Variants in ACSBG2 observed in about 807,000 individuals in gnomAD.
The protein encoded by ACSBG2 is long-chain-fatty-acid--CoA ligase ACSBG2.
ACSBG2 carries 62 observed loss-of-function variants against 74.7 expected under a neutral mutation model. The observed-to-expected ratio is 0.83, with a 90% CI of 0.68 to 1.03. ACSBG2 has a LOEUF of 1.03. Ranked by LOEUF, ACSBG2 falls within the 50% of genes least tolerant of loss-of-function variation. The probability of loss-of-function intolerance (pLI) is 0.00; values close to 1 mark genes in which losing one functional copy is unlikely to be tolerated. For missense variants in ACSBG2, 730 were observed against 817.6 expected, an observed-to-expected ratio of 0.89 and a Z score of 1.31; for synonymous variants, 309 against 294.1, an observed-to-expected ratio of 1.05 and a Z score of -0.52.
At chr19:6,151,058 G>A (rs1163039781) in intron 3 of ACSBG2, among the ~76,000 whole-genome samples, 3 of 149,336 alleles carry the variant, frequency 2.0e-5, no homozygotes, top group Admixed American at 6.7e-5. Context: ...AGGTTGCAGT[G>A]AGCCGAGATC....
At chr19:6,177,434 C>T (rs757040967) in intron 8 of ACSBG2, 38 bp downstream of exon 8, 3 of 1,538,102 alleles carry the variant, frequency 2.0e-6, no homozygotes, top group Admixed American at 2.1e-5. Context: ...CGACTTCATC[C>T]TCTTGGGCAG....
intron 1 of ACSBG2, among the ~76,000 whole-genome samples, chr19:6,138,065 C>T (rs1198770165): frequency 6.6e-6 from 1 of 152,176 alleles, no homozygotes; most frequent in Non-Finnish European, 1.5e-5. Context: ...TTAAAGTCAG[C>T]CTTGGTCATT....
chr19:6,190,451 C>A, intron 13 of ACSBG2, 133 bp from the exon 14 acceptor site: 1 of 689,430 alleles, frequency 1.5e-6, no homozygotes, highest in Non-Finnish European at 2.6e-6. Context: ...AAAAGTTACA[C>A]ACCCTGAAAG....
chr19:6,165,845 G>T, intron 6 of ACSBG2, 21 bp from the exon 7 acceptor site: 2 of 1,613,286 alleles, frequency 1.2e-6, no homozygotes, highest in South Asian at 1.1e-5. Context: ...CTCATCCTCC[G>T]CTTGTCTTTT....
chr19:6,189,527 GTTTTT>G (rs111858148), intron 13 of ACSBG2, among the ~76,000 whole-genome samples: 11 of 148,084 alleles, frequency 7.4e-5, no homozygotes, highest in African/African-American at 2.7e-4. Flanking sequence ...ACTGAGTCTT[GTTTTT>G]TTTTTGTTTG....
intron 14 of ACSBG2, chr19:6,192,198 T>C (rs1411529533): frequency 6.6e-6 from 1 of 152,138 alleles, no homozygotes. Flanking sequence ...TTAAAAGTAA[T>C]TTTACCAGTT....
At chr19:6,169,058 C>T (rs752559253) in intron 7 of ACSBG2, among the ~76,000 whole-genome samples, 2 of 152,196 alleles carry the variant, frequency 1.3e-5, no homozygotes, top group East Asian at 3.8e-4. Context: ...GAATTACAGG[C>T]GTGAGCCATG....
At chr19:6,161,428 G>A (rs1049765575) in intron 6 of ACSBG2, 133 bp downstream of exon 6, 17 of 747,446 alleles carry the variant, frequency 2.3e-5, no homozygotes, top group African/African-American at 1.2e-4. Flanking sequence ...AAAGGAAGTA[G>A]GTGGGGACTC....
In ACSBG2 at chr19:6,175,125, T is replaced by C. The variant is rs541725545; in HGVS notation, c.739-2104T>C. Among the ~76,000 whole-genome samples, 5 of 152,296 alleles carry C rather than the reference T, an allele frequency of 3.3e-5. No individual in the cohort carries two copies. In the East Asian group the frequency reaches 9.7e-4, roughly 29 times the overall value. On this transcript the variant is annotated intron_variant, in intron 7 of 14. Coordinates refer to ENST00000588485, the MANE Select transcript of ACSBG2 (RefSeq NM_030924.5). ...ACAACAAGCCCCTTCTCTCAACAAG[T>C]GTGCTAGGTTCCTTGAACCCTGGAC...
intron 3 of ACSBG2, among the ~76,000 whole-genome samples, chr19:6,151,285 A>G (rs1048687427): frequency 6.6e-6 from 1 of 152,120 alleles, no homozygotes; most frequent in Non-Finnish European, 1.5e-5. Context: ...TTTAGGCTCA[A>G]TGCTGTCTCC....
At chr19:6,142,706 T>C (rs1414223861) in intron 2 of ACSBG2, among the ~76,000 whole-genome samples, 6 of 142,748 alleles carry the variant, frequency 4.2e-5, no homozygotes, top group East Asian at 2.1e-4. Flanking sequence ...TGAGCCGAGA[T>C]CATGCCACTG....
At chr19:6,172,050 G>T (rs997083896) in intron 7 of ACSBG2, among the ~76,000 whole-genome samples, 3 of 151,654 alleles carry the variant, frequency 2.0e-5, no homozygotes, top group East Asian at 1.9e-4. Context: ...GTTCAATTTG[G>T]TTTTTTCTTA....
chr19:6,146,143 T>C (rs917626631), intron 2 of ACSBG2, among the ~76,000 whole-genome samples: 1 of 152,216 alleles, frequency 6.6e-6, no homozygotes, highest in Non-Finnish European at 1.5e-5. Flanking sequence ...GGTAAATGGA[T>C]GAATAGCTTT....
chr19:6,176,511 C>T (rs563860992), intron 7 of ACSBG2: 17 of 744,808 alleles, frequency 2.3e-5, no homozygotes, highest in South Asian at 9.0e-5. Context: ...CACACACACA[C>T]GCACTCAGCC....
chr19:6,161,448 G>A, intron 6 of ACSBG2, 153 bp downstream of exon 6: 1 of 638,862 alleles, frequency 1.6e-6, no homozygotes, highest in East Asian at 3.1e-5. Flanking sequence ...CTCAAAGGAA[G>A]TGAAAGGTGA....
intron 7 of ACSBG2, among the ~76,000 whole-genome samples, chr19:6,166,282 G>GTT (rs1406478197): frequency 4.9e-5 from 2 of 40,408 alleles, no homozygotes; most frequent in Non-Finnish European, 1.3e-4. Context: ...CAGGAAGGTT[G>GTT]TGTGTGTGTG....
At chr19:6,188,442 AC>A (rs2090466271) in intron 13 of ACSBG2, among the ~76,000 whole-genome samples, 1 of 152,112 alleles carries the variant, frequency 6.6e-6, no homozygotes, top group East Asian at 1.9e-4. Context: ...GGAGTTTGAG[AC>A]CAACCTGGGC....
Position 6,190,656 on chromosome 19 carries a change from G to T in ACSBG2, c.2000G>T (p.Ter667LeuextTer3). 1 of 1,613,874 alleles carries T rather than the reference G, an allele frequency of 6.2e-7. No homozygotes were observed. Among genetic ancestry groups the T allele is most frequent in the Middle Eastern group, 1.6e-4 (1 of 6,062 alleles). The change falls in exon 14 of 15, where the codon TGA (stop) becomes TTA (leucine). Residue 667 changes from the stop codon to leucine (L), a stop_lost. Transcript: ENST00000588485. Reference protein sequence around the residue: ...YKKQIDHMYH* With the variant: ...YKKQIDHMYHL ...AAACAAATTGATCACATGTACCACT[G>T]ACTGCTTTGATGGAGCTGCTCTCAG...
At chr19:6,156,284 T>A in intron 4 of ACSBG2, 147 bp from the exon 5 acceptor site, 1 of 755,878 alleles carries the variant, frequency 1.3e-6, no homozygotes, top group South Asian at 2.3e-5. Flanking sequence ...GTCTTCATCA[T>A]TGTTAAGTTG....
Sources: allele counts gnomAD v4.1 joint callset (sites outside exome capture counted in the v4.1 genomes callset), GRCh38; gene constraint gnomAD v4.1.1; transcripts MANE v1.5; gene names NCBI Gene and HGNC (gene_info 2026-07-23, HGNC 2026-07-21).